Variants in PRR16 observed in about 807,000 individuals in gnomAD.
PRR16 encodes proline rich 16, also known as protein Largen.
A neutral mutation model predicts 18.2 loss-of-function variants in PRR16; 6 were observed. The observed-to-expected ratio is 0.33, with a 90% CI of 0.18 to 0.65. PRR16 has a LOEUF of 0.65. Ranked by LOEUF, PRR16 falls within the 30% of genes least tolerant of loss-of-function variation. PRR16 has a pLI of 0.74. For synonymous variants in PRR16, 151 were observed against 147.8 expected (o/e 1.02, Z -0.16); for missense variants, 412 against 376.6 (o/e 1.09, Z -0.78).
At position 120,685,962 on chromosome 5, in the gene PRR16, C is replaced by T; in HGVS notation, c.168C>T (p.Asp56=). 6.2e-7 allele frequency: 1 copy of T among 1,612,110 alleles called. No individual in the cohort carries two copies. The highest frequency in any genetic ancestry group is 8.5e-7 in the Non-Finnish European group (1 of 1,178,770). The change falls in exon 2 of 2, where the codon GAC becomes GAT. Residue 56 remains aspartate (D), a synonymous_variant. Transcript: ENST00000407149. ...CTTGTCCTTTCCACTAGGTGGTTGACCAGATTGACACCCTGACCTCTGACC... is the reference window on the plus strand; with the variant it reads ...CTTGTCCTTTCCACTAGGTGGTTGATCAGATTGACACCCTGACCTCTGACC... The part of the protein sequence containing the change: ...DVAKELKEVV[D]QIDTLTSDLQ...
intron 1 of PRR16, among the ~76,000 whole-genome samples, chr5:120,646,205 A>C (rs1316249938): frequency 6.6e-6 from 1 of 151,488 alleles, no homozygotes; most frequent in Non-Finnish European, 1.5e-5. Flanking sequence ...AAGTGTCAAA[A>C]AATTTTCAGT....
At chr5:120,587,144 C>A (rs1165387589) in intron 1 of PRR16, among the ~76,000 whole-genome samples, 1 of 152,002 alleles carries the variant, frequency 6.6e-6, no homozygotes, top group Non-Finnish European at 1.5e-5. Flanking sequence ...TTCATAAAGG[C>A]TAAAAGGTGA....
chr5:120,541,616 G>A (rs961687651), intron 1 of PRR16, among the ~76,000 whole-genome samples: 4 of 152,062 alleles, frequency 2.6e-5, no homozygotes, highest in East Asian at 3.9e-4. Context: ...CAGCAGATTC[G>A]GGCTTTAAAA....
intron 1 of PRR16, among the ~76,000 whole-genome samples, chr5:120,601,704 C>A (rs920290782): frequency 6.6e-6 from 1 of 151,934 alleles, no homozygotes; most frequent in African/African-American, 2.4e-5. Flanking sequence ...TGAGGCCTTA[C>A]ATTTAAGTTT....
At chr5:120,543,266 A>C (rs1340573575) in intron 1 of PRR16, among the ~76,000 whole-genome samples, 1 of 152,108 alleles carries the variant, frequency 6.6e-6, no homozygotes, top group Non-Finnish European at 1.5e-5. Context: ...AAAACTACTT[A>C]ATAGGTGTTT....
chr5:120,665,195 C>G (rs1386190585), intron 1 of PRR16, among the ~76,000 whole-genome samples: 1 of 139,980 alleles, frequency 7.1e-6, no homozygotes, highest in Non-Finnish European at 1.6e-5. Flanking sequence ...ATTTGCATTT[C>G]TCTGATGGCC....
At chr5:120,565,840 A>C (rs1366074525) in intron 1 of PRR16, among the ~76,000 whole-genome samples, 1 of 152,222 alleles carries the variant, frequency 6.6e-6, no homozygotes, top group Non-Finnish European at 1.5e-5. Context: ...ATTGCAATTA[A>C]CTTTACATTT....
At chr5:120,547,849 T>G (rs1752121281) in intron 1 of PRR16, among the ~76,000 whole-genome samples, 1 of 151,988 alleles carries the variant, frequency 6.6e-6, no homozygotes, top group Non-Finnish European at 1.5e-5. Context: ...CCCAATGACT[T>G]TACCAATTTT....
At chr5:120,516,636 A>G (rs1751006514) in intron 1 of PRR16, among the ~76,000 whole-genome samples, 1 of 152,090 alleles carries the variant, frequency 6.6e-6, no homozygotes, top group Admixed American at 6.6e-5. Context: ...ACGCTTTTAT[A>G]TATTTTTTCT....
chr5:120,592,018 G>T (rs953109752), intron 1 of PRR16, among the ~76,000 whole-genome samples: 2 of 151,834 alleles, frequency 1.3e-5, no homozygotes, highest in African/African-American at 2.4e-5. Context: ...TATTTATTAT[G>T]CAGTACAACA....
chr5:120,530,129 C>A (rs951775746), intron 1 of PRR16, among the ~76,000 whole-genome samples: 2 of 148,250 alleles, frequency 1.3e-5, no homozygotes, highest in Non-Finnish European at 3.0e-5. Flanking sequence ...AAAATGTTGA[C>A]CTTGTAAATA....
At chr5:120,683,345 A>G (rs1290291316) in intron 1 of PRR16, among the ~76,000 whole-genome samples, 2 of 151,946 alleles carry the variant, frequency 1.3e-5, no homozygotes, top group Non-Finnish European at 2.9e-5. Context: ...TTGTAAAAAT[A>G]CAAAAAATTA....
At chr5:120,754,469 GTATATAT>G in the PRR16 span, among the ~76,000 whole-genome samples, 2 of 77,508 alleles carry the variant, frequency 2.6e-5, no homozygotes, top group South Asian at 8.5e-4. Context: ...ATAGTATATA[GTATATAT>G]TATATAATAT....
chr5:120,714,185 T>C, the PRR16 span, among the ~76,000 whole-genome samples: 1 of 152,292 alleles, frequency 6.6e-6, no homozygotes, highest in East Asian at 1.9e-4. Flanking sequence ...GTGATTGTTA[T>C]AGTTGATAAT....
At chr5:120,783,208 CAAT>C in the PRR16 span, among the ~76,000 whole-genome samples, 1 of 152,166 alleles carries the variant, frequency 6.6e-6, no homozygotes, top group Non-Finnish European at 1.5e-5. Context: ...CTTCACATTA[CAAT>C]AATCATTTTC....
chr5:120,508,506 T>G (rs2112853474), intron 1 of PRR16, among the ~76,000 whole-genome samples: 1 of 152,254 alleles, frequency 6.6e-6, no homozygotes, highest in South Asian at 2.1e-4. Flanking sequence ...TGATGCTTTC[T>G]TCAGACGGGT....
At chr5:120,695,953 AT>A in the PRR16 span, among the ~76,000 whole-genome samples, 2 of 152,072 alleles carry the variant, frequency 1.3e-5, no homozygotes, top group Admixed American at 6.6e-5. Flanking sequence ...ATATATATAT[AT>A]AAAACCGGCC....
intron 1 of PRR16, among the ~76,000 whole-genome samples, chr5:120,581,279 T>C (rs1335457985): frequency 1.3e-5 from 2 of 152,208 alleles, no homozygotes; most frequent in African/African-American, 4.8e-5. Context: ...AATTTATCCA[T>C]TTCTTCTAGA....
At chr5:120,756,483 C>G in the PRR16 span, among the ~76,000 whole-genome samples, 1 of 152,142 alleles carries the variant, frequency 6.6e-6, no homozygotes, top group Non-Finnish European at 1.5e-5. Context: ...TTTTTAATAG[C>G]CATTCTGACT....
Sources: gnomAD v4.1 joint callset for allele counts (sites outside exome capture counted in the v4.1 genomes callset) on GRCh38, gnomAD v4.1.1 for gene constraint, MANE v1.5 for transcripts, NCBI Gene and HGNC (gene_info 2026-07-23, HGNC 2026-07-21) for gene names.